DMXL1: variants seen among roughly 807,000 people sequenced by gnomAD.
DMXL1 encodes the protein dmX-like protein 1.
In DMXL1, 99 loss-of-function variants were observed where a neutral mutation model predicts 319.2. The observed-to-expected ratio is 0.31, with a 90% CI of 0.26 to 0.37. The LOEUF is 0.37. DMXL1 is among the 10% of genes least tolerant of loss of function. The pLI is 1.00. For missense variants in DMXL1, 3,745 were observed against 3,595.6 expected (o/e 1.04, Z -1.06); for synonymous variants, 1,385 against 1,235.2 (o/e 1.12, Z -2.54).
Position 119,143,870 on chromosome 5 carries a change from C to A in DMXL1, c.2406C>A (p.Val802=). ...ATGTTGGTGAAGTCTTTAACATCGTCAGTCAACAATCAACAGCCAGGCCAG... is the reference window on the plus strand; with the variant it reads ...ATGTTGGTGAAGTCTTTAACATCGTAAGTCAACAATCAACAGCCAGGCCAG... The part of the protein sequence containing the change: ...SKYVGEVFNI[V]SQQSTARPGC... Residue 802 remains valine (V), a synonymous_variant, in exon 14 of 44, where the codon GTC becomes GTA. Transcript: ENST00000539542. 1 of 1,584,434 alleles carries A rather than the reference C, an allele frequency of 6.3e-7. No homozygotes were observed. The highest frequency in any genetic ancestry group is 1.2e-5 in the South Asian group (1 of 84,904).
In DMXL1 at chr5:119,101,916, C is replaced by A. The variant is rs369303965; in HGVS notation, c.214-19C>A. ...TAAGTTAACATATCCCTAATAAATT[C>A]TTTTTTTCTTTTTAAAAGATTGCAG... On this transcript the variant is annotated intron_variant, in intron 2 of 43. Coordinates refer to ENST00000539542, the MANE Select transcript of DMXL1 (RefSeq NM_001290321.3). The A allele has an allele frequency of 3.8e-5, 58 of 1,534,716 alleles. No individual in the cohort carries two copies. In the African/African-American group the frequency reaches 7.0e-4, roughly 19 times the overall value.
chr5:119,164,701 A>G lies in DMXL1; in HGVS notation c.4872+25A>G, dbSNP rs779996020. On this transcript the variant is annotated intron_variant, in intron 20 of 43. Coordinates refer to ENST00000539542, the MANE Select transcript of DMXL1 (RefSeq NM_001290321.3). ...AGTAAGTGTTTTATTTTGGTGTATA[A>G]GTGAATTAATATTTTTTGGACGTTT... 1.1e-5 allele frequency: 17 copies of G among 1,555,362 alleles called. No homozygotes were observed. In the East Asian group the frequency reaches 3.9e-4, roughly 36 times the overall value.
At chr5:119,111,991 C>T (rs778540388) in intron 5 of DMXL1, among the ~76,000 whole-genome samples, 14 of 151,834 alleles carry the variant, frequency 9.2e-5, no homozygotes, top group African/African-American at 2.4e-4. Flanking sequence ...GACGAAGTCT[C>T]GCTCTGTCGC....
chr5:119,088,252 T>C (rs1180966909), intron 1 of DMXL1, among the ~76,000 whole-genome samples: 2 of 152,242 alleles, frequency 1.3e-5, no homozygotes, highest in Admixed American at 6.5e-5. Context: ...TTTTATCTGA[T>C]GTAAGTATAG....
At position 119,165,210 on chromosome 5, in the gene DMXL1, A is replaced by T; in HGVS notation, c.4900A>T (p.Asn1634Tyr). Residue 1634 changes from asparagine (N) to tyrosine (Y), a missense_variant, in exon 21 of 44, where the codon AAT (asparagine) becomes TAT (tyrosine). Asn to Tyr is a moderately radical substitution (Grantham distance 143, BLOSUM62 -2). Around this residue, in one of 4 missense-constraint regions of DMXL1, gnomAD observed 2,096 missense variants for 1,985.4 expected, o/e 1.06. Coordinates refer to ENST00000539542, the MANE Select transcript of DMXL1 (RefSeq NM_001290321.3). ...AGCTAAAGCAGCCTTTTATAGAAAGAATGATCCTTTAGATGCTGCCATTTT... is the reference window on the plus strand; with the variant it reads ...AGCTAAAGCAGCCTTTTATAGAAAGTATGATCCTTTAGATGCTGCCATTTT... ...KVAKAAFYRK[N>Y]DPLDAAIFYL... The T allele has an allele frequency of 6.2e-7, 1 of 1,606,272 alleles. No homozygotes were observed. The highest frequency in any genetic ancestry group is 8.5e-7 in the Non-Finnish European group (1 of 1,177,118).
At chr5:119,239,110 G>A (rs1451728474) in intron 41 of DMXL1, 30 bp downstream of exon 41, 3 of 1,609,572 alleles carry the variant, frequency 1.9e-6, no homozygotes, top group Non-Finnish European at 2.5e-6. Context: ...ATTGAAGTAT[G>A]AGAAAGTATA....
In DMXL1 at chr5:119,178,033, C is replaced by T. The variant is rs141333889; in HGVS notation, c.6924C>T (p.Gly2308=). ...TCLIRLLNSS[G]EEAQSGLTVL... is the part of the protein sequence containing the mutation. ...TAATTCGACTTTTGAATTCTTCTGGCGAGGAAGCCCAGTCAGGGCTTACAG... is the reference window on the plus strand; with the variant it reads ...TAATTCGACTTTTGAATTCTTCTGGTGAGGAAGCCCAGTCAGGGCTTACAG... Residue 2308 remains glycine (G), a synonymous_variant, in exon 28 of 44, where the codon GGC becomes GGT. Transcript: ENST00000539542. 1.5e-4 allele frequency: 249 copies of T among 1,609,884 alleles called. 1 individual carries two copies. The Middle Eastern group carries it at 3.0e-3, about 19-fold the overall frequency.
chr5:119,105,466 T>A (rs564652701), intron 4 of DMXL1, among the ~76,000 whole-genome samples: 68 of 152,330 alleles, frequency 4.5e-4, no homozygotes, highest in Admixed American at 1.8e-3. Context: ...AGTGCCATAA[T>A]AGGATACCCA....
At chr5:119,242,671 CT>C (rs1789046986) in intron 42 of DMXL1, among the ~76,000 whole-genome samples, 1 of 152,202 alleles carries the variant, frequency 6.6e-6, no homozygotes, top group African/African-American at 2.4e-5. Flanking sequence ...GAAAAACACA[CT>C]TGTGGGACTC....
chr5:119,136,998 G>A (rs1247172714), intron 13 of DMXL1, among the ~76,000 whole-genome samples: 1 of 152,196 alleles, frequency 6.6e-6, no homozygotes, highest in Admixed American at 6.5e-5. Flanking sequence ...CCCCAAAAAG[G>A]TAGATCCACT....
chr5:119,117,838 G>A (rs894231485), intron 7 of DMXL1, among the ~76,000 whole-genome samples: 1 of 152,138 alleles, frequency 6.6e-6, no homozygotes, highest in Non-Finnish European at 1.5e-5. Flanking sequence ...AGTCAGTTAG[G>A]TAAGTTTAAC....
At chr5:119,093,681 G>A (rs1755304083) in intron 1 of DMXL1, among the ~76,000 whole-genome samples, 1 of 152,160 alleles carries the variant, frequency 6.6e-6, no homozygotes, top group South Asian at 2.1e-4. Context: ...GTGTCAAGAT[G>A]GGCCAAAACC....
At chr5:119,101,868 C>T (rs564208782) in intron 2 of DMXL1, 67 bp from the exon 3 acceptor site, 4 of 1,041,128 alleles carry the variant, frequency 3.8e-6, no homozygotes, top group East Asian at 5.2e-5. Context: ...GTATTCATTT[C>T]TTTGCTTTTT....
intron 13 of DMXL1, 91 bp downstream of exon 13, chr5:119,134,480 A>G (rs1765567487): frequency 1.9e-6 from 2 of 1,045,164 alleles, no homozygotes; most frequent in Non-Finnish European, 2.7e-6. Flanking sequence ...ATTGTGACCT[A>G]TAATTTGTAA....
chr5:119,198,033 G>A, intron 32 of DMXL1, 77 bp downstream of exon 32: 7 of 1,419,248 alleles, frequency 4.9e-6, no homozygotes, highest in Non-Finnish European at 5.9e-6. Context: ...CTGTCATCCG[G>A]GCTGGAGTGC....
At chr5:119,145,224 C>T (rs1159941737) in intron 15 of DMXL1, among the ~76,000 whole-genome samples, 3 of 151,740 alleles carry the variant, frequency 2.0e-5, no homozygotes, top group Non-Finnish European at 4.4e-5. Context: ...GTGCCTGTTG[C>T]ACAAAGAAGT....
At chr5:119,090,326 G>C (rs1357845310) in intron 1 of DMXL1, among the ~76,000 whole-genome samples, 1 of 151,370 alleles carries the variant, frequency 6.6e-6, no homozygotes, top group Non-Finnish European at 1.5e-5. Flanking sequence ...CGGCCACTTG[G>C]GGTTAGTATT....
chr5:119,187,256 C>T (rs1777904087), intron 28 of DMXL1, among the ~76,000 whole-genome samples: 1 of 152,256 alleles, frequency 6.6e-6, no homozygotes, highest in African/African-American at 2.4e-5. Context: ...CTCCCTAATA[C>T]TATTTTCTTT....
chr5:119,170,188 A>C lies in DMXL1; in HGVS notation c.5399-2A>C. On this transcript the variant is annotated splice_acceptor_variant, in intron 23 of 43. Coordinates refer to ENST00000539542, the MANE Select transcript of DMXL1 (RefSeq NM_001290321.3). LOFTEE classifies it high-confidence loss of function. ...TGGCTCATAAAATGAATTTACTTTCAGATCAAGTTTTATCAGCCAGTAATC... is the reference window on the plus strand; with the variant it reads ...TGGCTCATAAAATGAATTTACTTTCCGATCAAGTTTTATCAGCCAGTAATC... 1 of 1,585,558 alleles carries C rather than the reference A, an allele frequency of 6.3e-7. No individual in the cohort carries two copies. Among genetic ancestry groups the C allele is most frequent in the Non-Finnish European group, 8.5e-7 (1 of 1,169,692 alleles).
Sources: allele counts gnomAD v4.1 joint callset (sites outside exome capture counted in the v4.1 genomes callset), GRCh38; gene constraint gnomAD v4.1.1; regional missense constraint gnomAD v4.1.1; transcripts MANE v1.5; gene names NCBI Gene and HGNC (gene_info 2026-07-23, HGNC 2026-07-21).